The following CHST11 variants were observed in gnomAD, a reference collection of about 807,000 sequenced individuals.
CHST11 encodes carbohydrate sulfotransferase 11, also known as C4S-1.
Under a neutral mutation model 30.4 loss-of-function variants are expected in CHST11, and 9 were observed. That is an observed-to-expected ratio of 0.30 (90% CI 0.18 to 0.52). The LOEUF is 0.52. CHST11 is among the 20% of genes least tolerant of loss of function. The probability of loss-of-function intolerance (pLI) is 0.97; values close to 1 mark genes in which losing one functional copy is unlikely to be tolerated. For missense variants in CHST11, 348 were observed against 460.6 expected, an observed-to-expected ratio of 0.76 and a Z score of 2.24; for synonymous variants, 152 against 187.8, an observed-to-expected ratio of 0.81 and a Z score of 1.56.
chr12:104,722,997 G>A (rs1044386425), intron 2 of CHST11, among the ~76,000 whole-genome samples: 1 of 152,120 alleles, frequency 6.6e-6, no homozygotes, highest in Non-Finnish European at 1.5e-5. Flanking sequence ...AGTTCTCAGG[G>A]GGGTGGTGCT....
At chr12:104,735,995 G>C (rs2040297282) in intron 2 of CHST11, among the ~76,000 whole-genome samples, 1 of 152,170 alleles carries the variant, frequency 6.6e-6, no homozygotes, top group South Asian at 2.1e-4. Flanking sequence ...TGGCCAGGCT[G>C]TGGGGAGTGG....
At chr12:104,681,635 G>C (rs1051303580) in intron 2 of CHST11, among the ~76,000 whole-genome samples, 2 of 152,034 alleles carry the variant, frequency 1.3e-5, no homozygotes. Context: ...ATAATACAAA[G>C]TTTAAAATGA....
At chr12:104,569,196 GA>G (rs1351343881) in intron 1 of CHST11, among the ~76,000 whole-genome samples, 1 of 152,132 alleles carries the variant, frequency 6.6e-6, no homozygotes, top group Non-Finnish European at 1.5e-5. Flanking sequence ...ACTAGCTTAT[GA>G]AACAAAATTT....
At chr12:104,470,523 T>C (rs1247749969) in intron 1 of CHST11, among the ~76,000 whole-genome samples, 2 of 152,180 alleles carry the variant, frequency 1.3e-5, no homozygotes, top group Non-Finnish European at 2.9e-5. Context: ...CAAGGTGAGA[T>C]TTGGATGGGG....
At chr12:104,656,875 A>G (rs1035541709) in intron 2 of CHST11, among the ~76,000 whole-genome samples, 3 of 152,206 alleles carry the variant, frequency 2.0e-5, no homozygotes, top group African/African-American at 4.8e-5. Context: ...TGTTAAGGCT[A>G]CAGAGGTGAC....
At chr12:104,669,142 T>C (rs1427897924) in intron 2 of CHST11, among the ~76,000 whole-genome samples, 1 of 152,184 alleles carries the variant, frequency 6.6e-6, no homozygotes, top group East Asian at 1.9e-4. Context: ...TCGCCCGCTG[T>C]GTCTCCTGCC....
rs886233269 is a variant in CHST11, at chr12:104,720,550, G to A, written c.205-36399G>A. On this transcript the variant is annotated intron_variant, in intron 2 of 2. Transcript: ENST00000303694. ...TCTCCCGGGGTCTCCCCAGGACCAC[G>A]GCCACCTACCACCCCTGTCCCCTGA... 5.3e-5 allele frequency among the ~76,000 whole-genome samples: 8 copies of A among 152,182 alleles called. No individual in the cohort carries two copies. The East Asian group carries it at 7.7e-4, about 15-fold the overall frequency.
rs1299733879 is a variant in CHST11, at chr12:104,665,800, C to G, written c.204+63809C>G. On this transcript the variant is annotated intron_variant, in intron 2 of 2. Transcript: ENST00000303694. The stretch of plus-strand genomic sequence containing the variant: ...CTTTTTTCTTTCCCTTTCTCTTTCT[C>G]TCTCTCTGTCTCTTTTTTTTTTTTT... Among the ~76,000 whole-genome samples, 4 of 140,608 alleles carry G rather than the reference C, an allele frequency of 2.8e-5. No individual in the cohort carries two copies. In the East Asian group the frequency reaches 8.4e-4, roughly 30 times the overall value. 92.2% of individuals were successfully genotyped at this position (140,608 alleles called of 152,430 possible). A position where few individuals can be genotyped will look rare whatever the true frequency, so the allele number is the denominator to read the frequency against.
intron 2 of CHST11, among the ~76,000 whole-genome samples, chr12:104,678,815 C>T (rs576017610): frequency 2.6e-5 from 4 of 152,206 alleles, no homozygotes; most frequent in South Asian, 4.2e-4. Context: ...GTCAGGCTCT[C>T]GGTTACGTTT....
chr12:104,460,954 C>T (rs148814755), intron 1 of CHST11, among the ~76,000 whole-genome samples: 5 of 152,218 alleles, frequency 3.3e-5, no homozygotes, highest in East Asian at 1.9e-4. Context: ...GTTTTTTGCA[C>T]GGTGTCTGAC....
chr12:104,728,397 A>G (rs375412770), intron 2 of CHST11, among the ~76,000 whole-genome samples: 7 of 152,196 alleles, frequency 4.6e-5, no homozygotes, highest in African/African-American at 1.7e-4. Context: ...TTTGTGTTCT[A>G]TGGAGAAACA....
In CHST11 at chr12:104,493,381, T is replaced by A. The variant is rs75683332; in HGVS notation, c.118+35852T>A. Among the ~76,000 whole-genome samples the A allele has an allele frequency of 0.012, 1,808 of 152,300 alleles. 63 individuals are homozygous for A. The East Asian group carries it at 0.15, about 12-fold the overall frequency. On this transcript the variant is annotated intron_variant, in intron 1 of 2. Transcript: ENST00000303694. ...CCAGGTAGGCCTTGGGCTACTTAAT[T>A]TGCTCTTTAATAGACATAGGTGTTC...
chr12:104,602,264 T>G (rs753180795), intron 2 of CHST11: 3 of 492,724 alleles, frequency 6.1e-6, no homozygotes, highest in Non-Finnish European at 1.1e-5. Flanking sequence ...CAGTCTCAAG[T>G]TCGAGCAATG....
rs137997209 is a variant in CHST11 at position 104,461,429 on chromosome 12, G to A, written c.118+3900G>A. 3.2e-4 allele frequency among the ~76,000 whole-genome samples: 48 copies of A among 152,338 alleles called. 2 individuals are homozygous for A. In the East Asian group the frequency reaches 5.4e-3, roughly 17 times the overall value. On this transcript the variant is annotated intron_variant, in intron 1 of 2. Transcript: ENST00000303694. ...GCTTCCTATGCAAGTTCATCAGCTTGCATTAAAATGTCTTGCATACCTGCC... is the reference window on the plus strand; with the variant it reads ...GCTTCCTATGCAAGTTCATCAGCTTACATTAAAATGTCTTGCATACCTGCC...
Position 104,457,417 on chromosome 12 carries a change from G to A in CHST11, c.6G>A (p.Lys2=). The A allele has an allele frequency of 1.2e-6, 2 of 1,611,914 alleles. No individual in the cohort carries two copies. Among genetic ancestry groups the A allele is most frequent in the Non-Finnish European group, 1.7e-6 (2 of 1,178,034 alleles). The change falls in exon 1 of 3, where the codon AAG becomes AAA. Residue 2 remains lysine (K), a synonymous_variant. Coordinates refer to ENST00000303694, the MANE Select transcript of CHST11 (RefSeq NM_018413.6). ...CCCGCAGCCAGGACAAAGCCATGAAGCCAGCGCTGCTGGAAGTGATGAGGA... is the reference window on the plus strand; with the variant it reads ...CCCGCAGCCAGGACAAAGCCATGAAACCAGCGCTGCTGGAAGTGATGAGGA... M[K]PALLEVMRMN...
chr12:104,509,779 A>G (rs1295418429), intron 1 of CHST11, among the ~76,000 whole-genome samples: 4 of 152,262 alleles, frequency 2.6e-5, no homozygotes, highest in African/African-American at 4.8e-5. Flanking sequence ...TTTGATATTT[A>G]TAAATGGACT....
intron 2 of CHST11, among the ~76,000 whole-genome samples, chr12:104,613,050 C>A (rs1592793790): frequency 6.6e-6 from 1 of 152,066 alleles, no homozygotes; most frequent in African/African-American, 2.4e-5. Context: ...TGGCAAAACC[C>A]TGTCTCTACA....
Position 104,676,515 on chromosome 12 carries a change from A to C in CHST11, c.204+74524A>C, listed in dbSNP as rs1248741704. 6.6e-6 allele frequency among the ~76,000 whole-genome samples: 1 copy of C among 152,216 alleles called. No individual in the cohort carries two copies. Among genetic ancestry groups the C allele is most frequent in the Non-Finnish European group, 1.5e-5 (1 of 68,028 alleles). On this transcript the variant is annotated intron_variant, in intron 2 of 2. Transcript: ENST00000303694. The surrounding 1 kb of genome is among the most constrained non-coding windows in gnomAD (Gnocchi z 4.4). ...CTGCAACCTCCGCCTCCCGGGTTCA[A>C]GGGATTATTCTGCCCCAGCCTCCCA...
intron 1 of CHST11, among the ~76,000 whole-genome samples, chr12:104,543,094 G>A (rs1050393759): frequency 3.9e-5 from 6 of 152,196 alleles, no homozygotes; most frequent in African/African-American, 7.2e-5. Context: ...TTCAGGTGAG[G>A]CCTCAGGAAG....
Sources: allele counts gnomAD v4.1 joint callset (sites outside exome capture counted in the v4.1 genomes callset), GRCh38; gene constraint gnomAD v4.1.1; non-coding constraint Gnocchi (gnomAD v3.1); transcripts MANE v1.5; gene names NCBI Gene and HGNC (gene_info 2026-07-23, HGNC 2026-07-21).